The following DCLRE1C variants were observed in gnomAD, a reference collection of about 807,000 sequenced individuals.
The protein encoded by DCLRE1C is protein artemis.
DCLRE1C carries 47 observed loss-of-function variants against 61.4 expected under a neutral mutation model. The ratio of observed to expected loss-of-function variants is 0.77; its 90% CI spans 0.61 to 0.98. The LOEUF (loss-of-function observed/expected upper bound fraction) is 0.98. Among genes scored for constraint, DCLRE1C ranks in the 50% least tolerant of loss-of-function variants. The pLI, the probability that DCLRE1C is intolerant of heterozygous loss-of-function variation, is 0.00. For missense variants in DCLRE1C, 858 were observed against 816.0 expected (o/e 1.05, Z -0.63); for synonymous variants, 337 against 287.6 (o/e 1.17, Z -1.74).
downstream of DCLRE1C, chr10:14,901,057 T>C: frequency 6.5e-7 from 1 of 1,536,214 alleles, no homozygotes; most frequent in East Asian, 2.3e-5. Context: ...TCTAGGAAAG[T>C]AAACATTTTA....
At chr10:14,900,249 C>G (rs1833905752), downstream of DCLRE1C, among the ~76,000 whole-genome samples, 2 of 152,150 alleles carry the variant, frequency 1.3e-5, no homozygotes, top group South Asian at 4.1e-4. Context: ...ATTCTGGACT[C>G]TAAATAATTT....
In DCLRE1C at chr10:14,920,049, T is replaced by C. The variant is rs555446069; in HGVS notation, c.1062-217A>G. Among the ~76,000 whole-genome samples, 13 of 152,290 alleles carry C rather than the reference T, an allele frequency of 8.5e-5. No homozygotes were observed. In the South Asian group the frequency reaches 2.3e-3, roughly 27 times the overall value. ...ATAGTTAAAAATCACTTTGATGTAA[T>C]AAAGTGGCAAATATAAGCAATTAAA... is the stretch of plus-strand genomic sequence containing the variant. On this transcript the variant is annotated intron_variant, in intron 12 of 13. Coordinates refer to ENST00000378278, the MANE Select transcript of DCLRE1C (RefSeq NM_001033855.3).
rs1841485534 is a variant in DCLRE1C at position 14,945,188 on chromosome 10, A to G, written c.163T>C (p.Leu55=). ...PTLKRRLECS[L]KVYLYCSPVT... ...GGTGAACAGTATAGATAAACCTTCAAGCTGAAAGGAAAAAAGAAAAAAACT... is the reference window on the plus strand; with the variant it reads ...GGTGAACAGTATAGATAAACCTTCAGGCTGAAAGGAAAAAAGAAAAAAACT... The change falls in exon 3 of 14, where the codon TTG becomes CTG. Residue 55 remains leucine, a splice_region_variant and synonymous_variant. Coordinates refer to ENST00000378278, the MANE Select transcript of DCLRE1C (RefSeq NM_001033855.3). 1.7e-5 allele frequency: 28 copies of G among 1,611,952 alleles called. No individual in the cohort carries two copies. Among genetic ancestry groups the G allele is most frequent in the Non-Finnish European group, 2.3e-5 (27 of 1,179,028 alleles).
chr10:14,935,334 C>G lies in DCLRE1C; in HGVS notation c.464+129G>C, dbSNP rs1839729827. ...ATACAAAATTAGCTGGGCGTGGTGG[C>G]ACGTACCTGTTATCCCAGCTACTTG... On this transcript the variant is annotated intron_variant, in intron 6 of 13. Coordinates refer to ENST00000378278, the MANE Select transcript of DCLRE1C (RefSeq NM_001033855.3). 3 of 995,730 alleles carry G rather than the reference C, an allele frequency of 3.0e-6. No individual in the cohort carries two copies. The South Asian group carries it at 4.2e-5, about 14-fold the overall frequency. The allele number at this position is 995,730 out of a possible 1,614,324, so 61.7% of individuals were successfully genotyped here. A position where few individuals can be genotyped will look rare whatever the true frequency, so the allele number is the denominator to read the frequency against.
At chr10:14,932,000 C>A (rs567452451) in intron 9 of DCLRE1C, among the ~76,000 whole-genome samples, 13 of 152,224 alleles carry the variant, frequency 8.5e-5, no homozygotes, top group Non-Finnish European at 1.6e-4. Flanking sequence ...CCCCACTGCA[C>A]TCCAACCTGG....
chr10:14,909,042 G>A lies in DCLRE1C; in HGVS notation c.1445C>T (p.Ala482Val). 6.2e-6 allele frequency: 10 copies of A among 1,614,146 alleles called. No homozygotes were observed. Among genetic ancestry groups the A allele is most frequent in the Non-Finnish European group, 8.5e-6 (10 of 1,180,024 alleles). Reference sequence around the variant, plus strand: ...TTCCCACTGGGGTACATCCCCATCAGCCTTTTGCAGGTGAAGTACAGAGCC... The same window carrying A: ...TTCCCACTGGGGTACATCCCCATCAACCTTTTGCAGGTGAAGTACAGAGCC... ...DLGSVLHLQK[A>V]DGDVPQWEVF... The change falls in exon 14 of 14, where the codon GCT becomes GTT. Residue 482 changes from alanine (A) to valine (V), a missense_variant. By Grantham distance (64) the Ala-to-Val change is moderately conservative. Around this residue, in one of 2 missense-constraint regions of DCLRE1C, gnomAD observed 843 missense variants for 783.5 expected, o/e 1.08. Transcript: ENST00000378278.
intron 1 of DCLRE1C, 42 bp from the exon 2 acceptor site, chr10:14,949,129 G>A: frequency 7.2e-7 from 1 of 1,395,716 alleles, no homozygotes; most frequent in Non-Finnish European, 1.0e-6. Flanking sequence ...TGTTTTTCCA[G>A]AGGATTCCTT....
chr10:14,952,208 T>G (rs1842552075), intron 1 of DCLRE1C, among the ~76,000 whole-genome samples: 1 of 152,204 alleles, frequency 6.6e-6, no homozygotes, highest in African/African-American at 2.4e-5. Context: ...TAGCCCATTT[T>G]GAGTTCAGAG....
exon 14 of DCLRE1C, chr10:14,897,508 T>C: frequency 1.9e-6 from 3 of 1,550,302 alleles, no homozygotes; most frequent in Non-Finnish European, 2.6e-6. Context: ...TCATGGAATA[T>C]GTTGGAGAGG....
At chr10:14,927,952 T>C in intron 10 of DCLRE1C, 64 bp downstream of exon 10, 1 of 1,535,706 alleles carries the variant, frequency 6.5e-7, no homozygotes, top group Non-Finnish European at 9.0e-7. Flanking sequence ...TGTGCTTAAA[T>C]GAAATTAAAT....
At chr10:14,930,599 ATTT>A (rs1405075174) in intron 9 of DCLRE1C, among the ~76,000 whole-genome samples, 1 of 151,592 alleles carries the variant, frequency 6.6e-6, no homozygotes, top group Non-Finnish European at 1.5e-5. Flanking sequence ...TGCCCAGCTA[ATTT>A]TTTTATTTTT....
In DCLRE1C at chr10:14,909,040, C is replaced by T. The variant is rs1417195924; in HGVS notation, c.1447G>A (p.Asp483Asn). The change falls in exon 14 of 14, where the codon GAT (aspartate) becomes AAT (asparagine). Residue 483 changes from aspartate to asparagine, a missense_variant. Around this residue, in one of 2 missense-constraint regions of DCLRE1C, gnomAD observed 843 missense variants for 783.5 expected, o/e 1.08. Transcript: ENST00000378278. ...LGSVLHLQKADGDVPQWEVFF... is the reference protein window; with the variant it reads ...LGSVLHLQKANGDVPQWEVFF... Reference sequence around the variant, plus strand: ...ACTTCCCACTGGGGTACATCCCCATCAGCCTTTTGCAGGTGAAGTACAGAG... The same window carrying T: ...ACTTCCCACTGGGGTACATCCCCATTAGCCTTTTGCAGGTGAAGTACAGAG... 7 of 1,614,026 alleles carry T rather than the reference C, an allele frequency of 4.3e-6. No individual in the cohort carries two copies. Among genetic ancestry groups the T allele is most frequent in the Non-Finnish European group, 4.2e-6 (5 of 1,180,012 alleles).
At chr10:14,919,442 C>T (rs554040968) in intron 13 of DCLRE1C, among the ~76,000 whole-genome samples, 330 of 152,290 alleles carry the variant, frequency 2.2e-3, no homozygotes, top group Non-Finnish European at 3.7e-3. Flanking sequence ...GGATAACAAA[C>T]CAGCCTCTCT....
chr10:14,927,805 A>C (rs1373547570), intron 10 of DCLRE1C, among the ~76,000 whole-genome samples: 1 of 152,164 alleles, frequency 6.6e-6, no homozygotes, highest in Non-Finnish European at 1.5e-5. Context: ...TCATCAACCT[A>C]CCCAGAGGGA....
chr10:14,930,027 C>A (rs528746969), intron 9 of DCLRE1C, among the ~76,000 whole-genome samples: 25 of 152,232 alleles, frequency 1.6e-4, no homozygotes, highest in South Asian at 1.4e-3. Flanking sequence ...AAATTCACAG[C>A]AAAAAGAAAT....
At position 14,908,927 on chromosome 10, in the gene DCLRE1C, C is replaced by G. The variant is rs753955796; in HGVS notation, c.1560G>C (p.Lys520Asn). The G allele has an allele frequency of 5.6e-6, 9 of 1,614,152 alleles. No homozygotes were observed. The South Asian group carries it at 8.8e-5, about 16-fold the overall frequency. ...STVAGGSQSP[K>N]LFSDSDGEST... ...ATTCTCCATCAGAGTCACTGAAAAG[C>G]TTTGGTGACTGAGATCCCCCTGCCA... Residue 520 changes from lysine to asparagine, a missense_variant, in exon 14 of 14, where the codon AAG (lysine) becomes AAC (asparagine). This residue lies in a region of DCLRE1C where 843 missense variants were observed against 783.5 expected (regional missense o/e 1.08). Coordinates refer to ENST00000378278, the MANE Select transcript of DCLRE1C (RefSeq NM_001033855.3).
chr10:14,934,357 A>G, intron 8 of DCLRE1C, 23 bp downstream of exon 8: 1 of 1,606,602 alleles, frequency 6.2e-7, no homozygotes. Flanking sequence ...AAAAGAAAAG[A>G]AAAGAATGAA....
intron 11 of DCLRE1C, among the ~76,000 whole-genome samples, chr10:14,926,130 A>G (rs1290410933): frequency 6.6e-6 from 1 of 152,120 alleles, no homozygotes; most frequent in South Asian, 2.1e-4. Context: ...CCTCATACCC[A>G]TCTCGGGCAT....
chr10:14,939,692 G>A, intron 4 of DCLRE1C, 118 bp downstream of exon 4: 1 of 845,688 alleles, frequency 1.2e-6, no homozygotes, highest in Non-Finnish European at 1.8e-6. Context: ...AAATCAAAGA[G>A]AAAGATTGAG....
Sources: gnomAD v4.1 joint callset for allele counts (sites outside exome capture counted in the v4.1 genomes callset) on GRCh38, gnomAD v4.1.1 for gene constraint, gnomAD v4.1.1 regional missense constraint, MANE v1.5 for transcripts, NCBI Gene and HGNC (gene_info 2026-07-23, HGNC 2026-07-21) for gene names.